MIEF1: variants seen among roughly 807,000 people sequenced by gnomAD.
MIEF1 encodes mitochondrial dynamics protein MIEF1.
A neutral mutation model predicts 35.1 loss-of-function variants in MIEF1; 14 were observed. The ratio of observed to expected loss-of-function variants is 0.40; its 90% CI spans 0.26 to 0.62. The LOEUF (loss-of-function observed/expected upper bound fraction) is 0.62, where lower values mean the gene tolerates loss of function less well. Among genes scored for constraint, MIEF1 ranks in the 20% least tolerant of loss-of-function variants. The pLI, the probability that MIEF1 is intolerant of heterozygous loss-of-function variation, is 0.43. For missense variants in MIEF1, 542 were observed against 615.4 expected, an observed-to-expected ratio of 0.88 and a Z score of 1.26; for synonymous variants, 245 against 254.3, an observed-to-expected ratio of 0.96 and a Z score of 0.35.
At chr22:39,504,050 G>A (rs956308341) in intron 1 of MIEF1, among the ~76,000 whole-genome samples, 153 bp from the exon 2 acceptor site, 1 of 152,208 alleles carries the variant, frequency 6.6e-6, no homozygotes, top group Non-Finnish European at 1.5e-5. Flanking sequence ...CCAGAGGCTG[G>A]GGTCTCTAGT....
At position 39,512,305 on chromosome 22, in the gene MIEF1, C is replaced by T; in HGVS notation, c.396C>T (p.Arg132=). 1 of 1,614,164 alleles carries T rather than the reference C, an allele frequency of 6.2e-7. No individual in the cohort carries two copies. The highest frequency in any genetic ancestry group is 8.5e-7 in the Non-Finnish European group (1 of 1,179,994). ...GQVDLKKSRL[R]MSLQEKLLTY... is the part of the protein sequence containing the mutation. ...TAGACTTGAAGAAGTCACGACTCCG[C>T]ATGTCCCTGCAGGAGAAACTTCTTA... The change falls in exon 5 of 6, where the codon CGC becomes CGT. Residue 132 remains arginine (R), a synonymous_variant. Transcript: ENST00000325301.
Position 39,515,356 on chromosome 22 carries a change from C to G in MIEF1, c.*1033C>G, listed in dbSNP as rs1371658934. 1.4e-6 allele frequency: 1 copy of G among 717,572 alleles called. No homozygotes were observed. The highest frequency in any genetic ancestry group is 2.0e-5 in the Admixed American group (1 of 50,008). The allele number at this position is 717,572 out of a possible 1,614,324, so 44.5% of individuals were successfully genotyped here. ...TTGGTGGCCATGTTTTCTACCCAGA[C>G]AGGCCCTGCTTTTCTAGGATGTGGC... On this transcript the variant is annotated 3_prime_UTR_variant, in exon 6 of 6. Transcript: ENST00000325301.
upstream of MIEF1, chr22:39,501,564 C>G (rs1929701907): frequency 6.6e-6 from 1 of 151,946 alleles, no homozygotes; most frequent in Non-Finnish European, 1.5e-5. Flanking sequence ...GAGGGAGCTT[C>G]CATAGAGACA....
chr22:39,513,952 C>G lies in MIEF1; in HGVS notation c.1021C>G (p.Leu341Val). The change falls in exon 6 of 6, where the codon CTG (leucine) becomes GTG (valine). Residue 341 changes from leucine to valine, a missense_variant. Leu to Val is a conservative substitution (Grantham distance 32). Coordinates refer to ENST00000325301, the MANE Select transcript of MIEF1 (RefSeq NM_019008.6). ...GTATGACAACCTGTGGCGGCTGAGC[C>G]TGCGTCCCGCGGAGACGGCACGCCT... Reference protein sequence around the residue: ...AQYDNLWRLSLRPAETARLRA... With the variant: ...AQYDNLWRLSVRPAETARLRA... 1 of 1,613,334 alleles carries G rather than the reference C, an allele frequency of 6.2e-7. No individual in the cohort carries two copies. Among genetic ancestry groups the G allele is most frequent in the Non-Finnish European group, 8.5e-7 (1 of 1,180,032 alleles).
intron 2 of MIEF1, among the ~76,000 whole-genome samples, chr22:39,505,209 C>T (rs1253973667): frequency 1.3e-5 from 2 of 150,864 alleles, no homozygotes; most frequent in African/African-American, 2.4e-5. Flanking sequence ...AAAAAAGAGA[C>T]GGGGTCTCGC....
intron 2 of MIEF1, among the ~76,000 whole-genome samples, chr22:39,507,531 C>T (rs543904197): frequency 6.6e-6 from 1 of 151,370 alleles, no homozygotes; most frequent in Non-Finnish European, 1.5e-5. Flanking sequence ...AGGCGTGAGC[C>T]ACCGTACCCG....
Position 39,517,757 on chromosome 22 carries a change from C to G in MIEF1, c.*3434C>G, listed in dbSNP as rs1403838091. The G allele has an allele frequency of 5.3e-5, 19 of 356,630 alleles. 1 individual carries two copies. Among genetic ancestry groups the G allele is most frequent in the South Asian group, 4.0e-4 (19 of 46,930 alleles). The allele number at this position is 356,630 out of a possible 1,614,324, so 22.1% of individuals were successfully genotyped here. ...TGCACCAGGCTGGGAGGCTGCAGCC[C>G]TTTTAGATGCCACTTACTGTAAGTG... On this transcript the variant is annotated 3_prime_UTR_variant, in exon 6 of 6. Transcript: ENST00000325301.
chr22:39,513,794 G>A lies in MIEF1; in HGVS notation c.863G>A (p.Arg288His). 4.3e-6 allele frequency: 7 copies of A among 1,614,044 alleles called. No homozygotes were observed. Among genetic ancestry groups the A allele is most frequent in the African/African-American group, 1.3e-5 (1 of 75,008 alleles). The change falls in exon 6 of 6, where the codon CGC becomes CAC. Residue 288 changes from arginine (R) to histidine (H), a missense_variant. Physicochemically the swap from Arg to His is conservative, Grantham distance 29. Transcript: ENST00000325301. ...AIGSLLDYVI[R>H]PAPPPEALTL... ...GGGTCCCTCTTGGACTATGTGATCC[G>A]CCCGGCCCCACCCCCAGAAGCCCTC...
rs1156495817 is a variant in MIEF1 at position 39,517,706 on chromosome 22, A to G, written c.*3383A>G. The G allele has an allele frequency of 4.4e-6, 2 of 456,538 alleles. No individual in the cohort carries two copies. Among genetic ancestry groups the G allele is most frequent in the Admixed American group, 4.8e-5 (2 of 41,654 alleles). The allele number at this position is 456,538 out of a possible 1,614,324, so 28.3% of individuals were successfully genotyped here. ...GAAACTCAAGGCCAAGGAGAATGATAGGAGACTTAGGACAGAGCTGACCCT... is the reference window on the plus strand; with the variant it reads ...GAAACTCAAGGCCAAGGAGAATGATGGGAGACTTAGGACAGAGCTGACCCT... On this transcript the variant is annotated 3_prime_UTR_variant, in exon 6 of 6. Transcript: ENST00000325301.
chr22:39,504,957 G>A (rs1929942480), intron 2 of MIEF1, among the ~76,000 whole-genome samples: 1 of 152,220 alleles, frequency 6.6e-6, no homozygotes, highest in African/African-American at 2.4e-5. Flanking sequence ...CACTTTAGGA[G>A]GCCAAGGCAG....
chr22:39,507,542 G>A (rs1930107412), intron 2 of MIEF1, among the ~76,000 whole-genome samples: 1 of 150,714 alleles, frequency 6.6e-6, no homozygotes, highest in African/African-American at 2.4e-5. Context: ...ACCGTACCCG[G>A]CCGAAAAGGC....
In MIEF1 at chr22:39,514,094, T is replaced by G; in HGVS notation, c.1163T>G (p.Val388Gly). The change falls in exon 6 of 6, where the codon GTC (valine) becomes GGC (glycine). Residue 388 changes from valine to glycine, a missense_variant. Coordinates refer to ENST00000325301, the MANE Select transcript of MIEF1 (RefSeq NM_019008.6). ...CTCACTGCCAGCCAGCTAACCAATG[T>G]CATCCTCCACTTGGCCCAGGAGGAG... is the stretch of plus-strand genomic sequence containing the variant. The part of the protein sequence containing the change: ...GHLTASQLTN[V>G]ILHLAQEEAD... 1.2e-6 allele frequency: 2 copies of G among 1,614,152 alleles called. No homozygotes were observed. The highest frequency in any genetic ancestry group is 1.7e-6 in the Non-Finnish European group (2 of 1,180,026).
At chr22:39,507,506 A>G (rs1930102404) in intron 2 of MIEF1, among the ~76,000 whole-genome samples, 1 of 151,460 alleles carries the variant, frequency 6.6e-6, no homozygotes, top group Non-Finnish European at 1.5e-5. Context: ...TGGCCTCCCA[A>G]AGTGTTGGGA....
chr22:39,504,643 C>T (rs986408636), intron 2 of MIEF1, 109 bp downstream of exon 2: 6 of 357,162 alleles, frequency 1.7e-5, no homozygotes, highest in African/African-American at 1.3e-4. Context: ...GAGCCAGGTG[C>T]ACTGGTGTGC....
chr22:39,510,022 G>T (rs1458498724), intron 2 of MIEF1, among the ~76,000 whole-genome samples: 1 of 151,232 alleles, frequency 6.6e-6, no homozygotes, highest in Admixed American at 6.6e-5. Flanking sequence ...GCAATCGTGT[G>T]ATCTCGGCTC....
chr22:39,504,313 G>A lies in MIEF1; in HGVS notation c.-229G>A, dbSNP rs562685087. On this transcript the variant is annotated 5_prime_UTR_variant, in exon 2 of 6. Coordinates refer to ENST00000325301, the MANE Select transcript of MIEF1 (RefSeq NM_019008.6). ...GGCCGACAGCTTCGCTACACTGATC[G>A]AGACTTCTACTTTGCCTCCATCCGC... is the stretch of plus-strand genomic sequence containing the variant. 46 of 399,070 alleles carry A rather than the reference G, an allele frequency of 1.2e-4. No homozygotes were observed. The highest frequency in any genetic ancestry group is 8.2e-4 in the African/African-American group (40 of 48,742). 24.7% of individuals were successfully genotyped at this position (399,070 alleles called of 1,614,324 possible). A position where few individuals can be genotyped will look rare whatever the true frequency, so the allele number is the denominator to read the frequency against.
At position 39,513,398 on chromosome 22, in the gene MIEF1, C is replaced by T. The variant is rs543312991; in HGVS notation, c.586-119C>T. On this transcript the variant is annotated intron_variant, in intron 5 of 5. Transcript: ENST00000325301. ...AGATTACAGGCATGGGCCACTGCGCCCGGCCTAGAGTTCCCATTCTTGCTG... is the reference window on the plus strand; with the variant it reads ...AGATTACAGGCATGGGCCACTGCGCTCGGCCTAGAGTTCCCATTCTTGCTG... The T allele has an allele frequency of 5.5e-6, 6 of 1,088,972 alleles. No homozygotes were observed. The African/African-American group carries it at 6.3e-5, about 11-fold the overall frequency. The allele number at this position is 1,088,972 out of a possible 1,614,324, so 67.5% of individuals were successfully genotyped here.
chr22:39,505,744 G>A (rs747651420), intron 2 of MIEF1, among the ~76,000 whole-genome samples: 9 of 152,138 alleles, frequency 5.9e-5, no homozygotes, highest in Non-Finnish European at 1.2e-4. Flanking sequence ...AGATACTAGA[G>A]GCAGTGGATG....
At position 39,516,831 on chromosome 22, in the gene MIEF1, CTT is replaced by C. The variant is rs1299380360; in HGVS notation, c.*2511_*2512del. 11 of 152,332 alleles carry C rather than the reference CTT, an allele frequency of 7.2e-5. No homozygotes were observed. The East Asian group carries it at 1.9e-3, about 27-fold the overall frequency. The allele number at this position is 152,332 out of a possible 1,614,324, so 9.4% of individuals were successfully genotyped here. On this transcript the variant is annotated 3_prime_UTR_variant, in exon 6 of 6. Transcript: ENST00000325301. ...TTATCATCCTTCTTAAAGAGCATCT[CTT>C]TTAACTGTTGGACAAAACCATAACT...
Sources: gnomAD v4.1 joint callset for allele counts (sites outside exome capture counted in the v4.1 genomes callset) on GRCh38, gnomAD v4.1.1 for gene constraint, MANE v1.5 for transcripts, NCBI Gene and HGNC (gene_info 2026-07-23, HGNC 2026-07-21) for gene names.